The following LYPD5 variants were observed in gnomAD, a reference collection of about 807,000 sequenced individuals.
LYPD5 encodes ly6/PLAUR domain-containing protein 5.
Under a neutral mutation model 19.1 loss-of-function variants are expected in LYPD5, and 21 were observed. The observed-to-expected ratio is 1.10, with a 90% CI of 0.78 to 1.58. The LOEUF (loss-of-function observed/expected upper bound fraction) is 1.58, where lower values mean the gene tolerates loss of function less well. LYPD5 is among the 40% of genes most tolerant of loss of function. The pLI is 0.00. For missense variants in LYPD5, 287 were observed against 329.8 expected (o/e 0.87, Z 1.00); for synonymous variants, 128 against 142.7 (o/e 0.90, Z 0.74).
chr19:43,796,424 C>T lies in LYPD5; in HGVS notation c.*1167G>A, dbSNP rs11083725. ...ATGAAAGTGTCCTGCACTCCTTGTG[C>T]TCCTTCCTCCCTCAGACCTTTGTCC... On this transcript the variant is annotated 3_prime_UTR_variant, in exon 5 of 5. Transcript: ENST00000377950. 0.6 allele frequency: 91,145 copies of T among 152,308 alleles called. 27,324 individuals are homozygous for T. Among genetic ancestry groups the T allele is most frequent in the South Asian group, 0.76 (3,686 of 4,822 alleles). 9.4% of individuals were successfully genotyped at this position (152,308 alleles called of 1,614,324 possible).
chr19:43,799,050 G>T, intron 2 of LYPD5, 62 bp from the exon 3 acceptor site: 2 of 1,489,634 alleles, frequency 1.3e-6, no homozygotes, highest in Non-Finnish European at 1.8e-6. Context: ...CAGTCTCAGC[G>T]TTCTTCCTCC....
chr19:43,798,753 C>T (rs1970173932), intron 3 of LYPD5, 59 bp downstream of exon 3: 1 of 1,572,784 alleles, frequency 6.4e-7, no homozygotes, highest in Non-Finnish European at 8.6e-7. Flanking sequence ...CACGCCTTCC[C>T]CGAGGCTGCC....
At chr19:43,809,685 C>A (rs1970303443) in intron 1 of LYPD5, among the ~76,000 whole-genome samples, 1 of 152,244 alleles carries the variant, frequency 6.6e-6, no homozygotes, top group African/African-American at 2.4e-5. Flanking sequence ...AGCCACTGTG[C>A]CTGGCCAGGA....
At chr19:43,798,359 A>G in intron 4 of LYPD5, 96 bp downstream of exon 4, 1 of 1,453,566 alleles carries the variant, frequency 6.9e-7, no homozygotes, top group East Asian at 2.3e-5. Context: ...GAGCAGGGCC[A>G]TGTCTCCCTG....
Position 43,797,685 on chromosome 19 carries a change from G to A in LYPD5, c.662C>T (p.Pro221Leu), listed in dbSNP as rs1438256491. 3 of 1,613,694 alleles carry A rather than the reference G, an allele frequency of 1.9e-6. No homozygotes were observed. Among genetic ancestry groups the A allele is most frequent in the Non-Finnish European group, 2.5e-6 (3 of 1,179,900 alleles). ...GGTGGTGGCTGAAGCACTGGTGAAGGGCTGGGTCATGGATTTCCTGTTGCA... is the reference window on the plus strand; with the variant it reads ...GGTGGTGGCTGAAGCACTGGTGAAGAGCTGGGTCATGGATTTCCTGTTGCA... ...YLCNRKSMTQ[P>L]FTSASATTPP... The change falls in exon 5 of 5, where the codon CCC becomes CTC. Residue 221 changes from proline (P) to leucine (L), a missense_variant. Pro to Leu is a moderately conservative substitution (Grantham distance 98). Transcript: ENST00000377950.
At chr19:43,819,994 G>A (rs1434801193) in intron 1 of LYPD5, among the ~76,000 whole-genome samples, 1 of 124,726 alleles carries the variant, frequency 8.0e-6, no homozygotes, top group East Asian at 2.1e-4. Flanking sequence ...TGTGTAGCTA[G>A]AGAAGGAAAA....
chr19:43,801,789 G>T (rs1241734379), intron 1 of LYPD5, among the ~76,000 whole-genome samples: 2 of 152,158 alleles, frequency 1.3e-5, no homozygotes, highest in Non-Finnish European at 2.9e-5. Flanking sequence ...ACACAGATTT[G>T]GTTGTGTGCA....
At chr19:43,798,728 G>T (rs562637148) in intron 3 of LYPD5, 84 bp downstream of exon 3, 2 of 1,567,406 alleles carry the variant, frequency 1.3e-6, no homozygotes, top group Non-Finnish European at 1.7e-6. Context: ...CCAAGAGCAG[G>T]CGCCCAGCGG....
upstream of LYPD5, among the ~76,000 whole-genome samples, chr19:43,803,470 T>A (rs561680162): frequency 6.6e-6 from 1 of 152,240 alleles, no homozygotes; most frequent in Admixed American, 6.5e-5. Flanking sequence ...TAGTGGATAC[T>A]AGCCACAGAG....
intron 1 of LYPD5, among the ~76,000 whole-genome samples, chr19:43,811,882 T>C (rs2146505293): frequency 6.6e-6 from 1 of 152,254 alleles, no homozygotes. Context: ...CTCTGGTGCA[T>C]AGGAAACCAC....
upstream of LYPD5, among the ~76,000 whole-genome samples, chr19:43,807,287 CT>C (rs71903986): frequency 1.2e-3 from 135 of 116,838 alleles, no homozygotes; most frequent in Middle Eastern, 4.4e-3. Context: ...TTTTCTTTTT[CT>C]TTTTTTTTTT....
chr19:43,815,711 T>C (rs1159217440), intron 1 of LYPD5: 1 of 364,724 alleles, frequency 2.7e-6, no homozygotes, highest in Non-Finnish European at 5.3e-6. Flanking sequence ...AACACACATC[T>C]ATATATACCC....
chr19:43,807,164 AAT>A (rs1970276976), upstream of LYPD5, among the ~76,000 whole-genome samples: 1 of 152,184 alleles, frequency 6.6e-6, no homozygotes, highest in South Asian at 2.1e-4. Context: ...TGGCTGTACA[AAT>A]ATCTGTTTGG....
chr19:43,811,634 A>G (rs929960494), intron 1 of LYPD5, among the ~76,000 whole-genome samples: 1 of 151,826 alleles, frequency 6.6e-6, no homozygotes, highest in Admixed American at 6.6e-5. Context: ...TGCAGTGAGC[A>G]GAGATCACGC....
rs1341882224 is a variant in LYPD5, at chr19:43,796,739, A to C, written c.*852T>G. ...GCTCAACCAAGTGCTTTTGCCTCTC[A>C]GTTTGTTGACCTGTGACTTAGGGCT... On this transcript the variant is annotated 3_prime_UTR_variant, in exon 5 of 5. Transcript: ENST00000377950. 1.3e-5 allele frequency: 2 copies of C among 152,102 alleles called. No homozygotes were observed. Among genetic ancestry groups the C allele is most frequent in the Admixed American group, 6.6e-5 (1 of 15,242 alleles). 9.4% of individuals were successfully genotyped at this position (152,102 alleles called of 1,614,324 possible). A position where few individuals can be genotyped will look rare whatever the true frequency, so the allele number is the denominator to read the frequency against.
At chr19:43,814,771 GCTGT>G (rs1049133942) in intron 1 of LYPD5, among the ~76,000 whole-genome samples, 3 of 152,202 alleles carry the variant, frequency 2.0e-5, no homozygotes, top group African/African-American at 7.2e-5. Flanking sequence ...GAGAGTCTGA[GCTGT>G]CTGTGTGTGT....
At position 43,796,868 on chromosome 19, in the gene LYPD5, T is replaced by C. The variant is rs570165335; in HGVS notation, c.*723A>G. Reference sequence around the variant, plus strand: ...AACTACTGTGAAGTAGTTCTTGTCATGTTATAGAGTTTATTTTCACCTCCA... The same window carrying C: ...AACTACTGTGAAGTAGTTCTTGTCACGTTATAGAGTTTATTTTCACCTCCA... On this transcript the variant is annotated 3_prime_UTR_variant, in exon 5 of 5. Transcript: ENST00000377950. 1.9e-4 allele frequency: 29 copies of C among 152,376 alleles called. No individual in the cohort carries two copies. Among genetic ancestry groups the C allele is most frequent in the African/African-American group, 6.5e-4 (27 of 41,586 alleles). The allele number at this position is 152,376 out of a possible 1,614,324, so 9.4% of individuals were successfully genotyped here.
At chr19:43,816,077 T>TAC (rs1568407466) in intron 1 of LYPD5, among the ~76,000 whole-genome samples, 16 of 141,344 alleles carry the variant, frequency 1.1e-4, no homozygotes, top group South Asian at 4.5e-4. Context: ...TATCTATCTA[T>TAC]CTACCTATCA....
Position 43,796,409 on chromosome 19 carries a change from CCTGCACTCCTT to C in LYPD5, c.*1171_*1181del, listed in dbSNP as rs1970130206. 1 of 101,748 alleles carries C rather than the reference CCTGCACTCCTT, an allele frequency of 9.8e-6. No homozygotes were observed. Among genetic ancestry groups the C allele is most frequent in the African/African-American group, 3.7e-5 (1 of 26,952 alleles). The allele number at this position is 101,748 out of a possible 1,614,324, so 6.3% of individuals were successfully genotyped here. ...AAGTGTCCTGCACTCATGAAAGTGTCCTGCACTCCTTGTGCTCCTTCCTCCCTCAGACCTTT... is the reference window on the plus strand; with the variant it reads ...AAGTGTCCTGCACTCATGAAAGTGTCGTGCTCCTTCCTCCCTCAGACCTTT... On this transcript the variant is annotated 3_prime_UTR_variant, in exon 5 of 5. Transcript: ENST00000377950.
Sources: allele counts gnomAD v4.1 joint callset (sites outside exome capture counted in the v4.1 genomes callset), GRCh38; gene constraint gnomAD v4.1.1; transcripts MANE v1.5; gene names NCBI Gene and HGNC (gene_info 2026-07-23, HGNC 2026-07-21).